PHC1: variants seen among roughly 807,000 people sequenced by gnomAD.
The protein encoded by PHC1 is polyhomeotic homolog 1.
Under a neutral mutation model 104.3 loss-of-function variants are expected in PHC1, and 12 were observed. The ratio of observed to expected loss-of-function variants is 0.12; its 90% CI spans 0.07 to 0.19. The LOEUF (loss-of-function observed/expected upper bound fraction) is 0.19, where lower values mean the gene tolerates loss of function less well. PHC1 is among the 10% of genes least tolerant of loss of function. PHC1 has a pLI of 1.00. For missense variants in PHC1, 671 were observed against 1,200.0 expected, an observed-to-expected ratio of 0.56 and a Z score of 6.51; for synonymous variants, 302 against 455.8, an observed-to-expected ratio of 0.66 and a Z score of 4.30.
intron 14 of PHC1, among the ~76,000 whole-genome samples, chr12:8,938,480 C>G (rs746903394): frequency 2.3e-4 from 35 of 151,220 alleles, no homozygotes; most frequent in Non-Finnish European, 3.2e-4. Context: ...CAGGGATTCC[C>G]TATGTTGCCC....
At chr12:8,934,539 T>C in intron 10 of PHC1, 61 bp downstream of exon 10, 1 of 1,226,886 alleles carries the variant, frequency 8.2e-7, no homozygotes, top group East Asian at 2.3e-5. Flanking sequence ...TGTTGTCTTT[T>C]CAAACTCCAG....
At position 8,918,098 on chromosome 12, in the gene PHC1, C is replaced by T. The variant is rs74060229; in HGVS notation, c.114+307C>T. On this transcript the variant is annotated intron_variant, in intron 2 of 14. Coordinates refer to ENST00000544916, the MANE Select transcript of PHC1 (RefSeq NM_004426.3). ...ATCTTTGGCCATTCTTGTAAATCCC[C>T]TTGAGTAATAGAAGTATCATGGAAC... Among the ~76,000 whole-genome samples, 402 of 152,290 alleles carry T rather than the reference C, an allele frequency of 2.6e-3. 2 individuals are homozygous for T. The highest frequency in any genetic ancestry group is 8.5e-3 in the African/African-American group (353 of 41,554).
chr12:8,926,977 C>A (rs1945530778), intron 6 of PHC1, among the ~76,000 whole-genome samples: 2 of 152,098 alleles, frequency 1.3e-5, no homozygotes, highest in Admixed American at 1.3e-4. Flanking sequence ...ATATGGGGCC[C>A]TGAGGTAGGA....
At chr12:8,936,306 C>T (rs777874666) in intron 11 of PHC1, among the ~76,000 whole-genome samples, 49 of 152,220 alleles carry the variant, frequency 3.2e-4, no homozygotes, top group Non-Finnish European at 5.0e-4. Flanking sequence ...CGCTTGAGCC[C>T]GGGAGGTGGA....
intron 9 of PHC1, 66 bp downstream of exon 9, chr12:8,934,078 A>G (rs1380328053): frequency 3.8e-6 from 6 of 1,564,048 alleles, no homozygotes; most frequent in Non-Finnish European, 3.5e-6. Flanking sequence ...GAGTGAGCTA[A>G]AAGATAAAAC....
chr12:8,936,305 C>T (rs2137131671), intron 11 of PHC1, among the ~76,000 whole-genome samples: 1 of 152,246 alleles, frequency 6.6e-6, no homozygotes, highest in African/African-American at 2.4e-5. Flanking sequence ...TCGCTTGAGC[C>T]CGGGAGGTGG....
chr12:8,918,442 AT>A (rs1945261685), intron 2 of PHC1, among the ~76,000 whole-genome samples: 1 of 152,036 alleles, frequency 6.6e-6, no homozygotes, highest in South Asian at 2.1e-4. Context: ...TTAGGGCTGT[AT>A]TACCTTTACT....
chr12:8,921,988 A>G (rs1025048906), intron 5 of PHC1, among the ~76,000 whole-genome samples: 2 of 152,082 alleles, frequency 1.3e-5, no homozygotes, highest in East Asian at 3.9e-4. Flanking sequence ...TAATTTTTGT[A>G]TTTTTAGTAG....
intron 11 of PHC1, among the ~76,000 whole-genome samples, chr12:8,936,446 C>T (rs1297763484): frequency 6.6e-6 from 1 of 152,114 alleles, no homozygotes; most frequent in Non-Finnish European, 1.5e-5. Context: ...TCCAGTTCTC[C>T]TTATTCTAGA....
chr12:8,930,726 G>A lies in PHC1; in HGVS notation c.904G>A (p.Gly302Arg), dbSNP rs1371497232. 7.9e-7 allele frequency: 1 copy of A among 1,265,614 alleles called. No homozygotes were observed. Among genetic ancestry groups the A allele is most frequent in the Non-Finnish European group, 1.1e-6 (1 of 905,020 alleles). 78.4% of individuals were successfully genotyped at this position (1,265,614 alleles called of 1,614,324 possible). The change falls in exon 7 of 15, where the codon GGG becomes AGG. Residue 302 changes from glycine to arginine, a missense_variant. By Grantham distance (125) the Gly-to-Arg change is moderately radical. Transcript: ENST00000544916. ...GTTGCCTTCCTCAGGAATGGGTGGT[G>A]GGAGCTGTCCCAGAAAGGGTACAGG... is the stretch of plus-strand genomic sequence containing the variant. ...GQLPSSGMGG[G>R]SCPRKGTGVV...
chr12:8,935,320 C>A, intron 11 of PHC1, 82 bp downstream of exon 11: 1 of 675,878 alleles, frequency 1.5e-6, no homozygotes, highest in South Asian at 1.9e-5. Flanking sequence ...ATAGTAGTTA[C>A]CTATTTATTT....
chr12:8,915,052 C>G (rs1945160860), intron 1 of PHC1: 1 of 152,784 alleles, frequency 6.5e-6, no homozygotes, highest in African/African-American at 2.4e-5. Context: ...GTCACCCTAG[C>G]TGCCTCTGAC....
intron 11 of PHC1, 43 bp from the exon 12 acceptor site, chr12:8,936,813 G>A: frequency 1.6e-6 from 2 of 1,231,422 alleles, no homozygotes; most frequent in Non-Finnish European, 2.4e-6. Flanking sequence ...CTGAGGGGCA[G>A]CAGAAACCCA....
chr12:8,937,057 A>G lies in PHC1; in HGVS notation c.2477+93A>G, dbSNP rs759758876. ...AGGATCGTCTCATAGCTGATATTTT[A>G]TGTCTCCCTCCTTGCTTTTATTCCC... On this transcript the variant is annotated intron_variant, in intron 12 of 14. Transcript: ENST00000544916. The G allele has an allele frequency of 2.1e-5, 29 of 1,387,644 alleles. No individual in the cohort carries two copies. In the Admixed American group the frequency reaches 3.6e-4, roughly 17 times the overall value. The allele number at this position is 1,387,644 out of a possible 1,614,324, so 86.0% of individuals were successfully genotyped here.
chr12:8,926,383 G>A (rs141480553), intron 6 of PHC1, among the ~76,000 whole-genome samples: 2,988 of 152,250 alleles, frequency 0.02, 92 homozygotes, highest in African/African-American at 0.067. Flanking sequence ...TTGGGAGGCC[G>A]AGGCGGGCGG....
chr12:8,927,853 TTTTC>T (rs71045227), intron 6 of PHC1, among the ~76,000 whole-genome samples: 17,946 of 110,510 alleles, frequency 0.16, 2,547 homozygotes, highest in Non-Finnish European at 0.2. Flanking sequence ...ACTGTACTAG[TTTTC>T]TTTCTTTCTT....
chr12:8,919,195 G>T lies in PHC1; in HGVS notation c.115-561G>T, dbSNP rs1945287818. Among the ~76,000 whole-genome samples, 1 of 152,092 alleles carries T rather than the reference G, an allele frequency of 6.6e-6. No individual in the cohort carries two copies. Among genetic ancestry groups the T allele is most frequent in the Non-Finnish European group, 1.5e-5 (1 of 68,014 alleles). On this transcript the variant is annotated intron_variant, in intron 2 of 14. Transcript: ENST00000544916. This position sits in a 1 kb window ranked among gnomAD's most constrained non-coding sequence, Gnocchi z 4.9. ...CTACCTCAGCCTCCCTAGTAGTTGG[G>T]ATTACAGGCGCCCACCACCACGCCC...
chr12:8,927,862 T>C (rs968085556), intron 6 of PHC1, among the ~76,000 whole-genome samples: 1 of 65,010 alleles, frequency 1.5e-5, no homozygotes, highest in South Asian at 5.7e-4. Flanking sequence ...GTTTTCTTTC[T>C]TTCTTTCTTT....
In PHC1 at chr12:8,919,643, TCTC is replaced by T; in HGVS notation, c.115-109_115-107del. ...GTTGACGATTTAGCCCAAACTCCCA[TCTC>T]CTCTGGTTTCTGTCCTTCCCATGGC... is the stretch of plus-strand genomic sequence containing the variant. On this transcript the variant is annotated intron_variant, in intron 2 of 14. Transcript: ENST00000544916. This position sits in a 1 kb window ranked among gnomAD's most constrained non-coding sequence, Gnocchi z 4.9. The T allele has an allele frequency of 4.7e-6, 5 of 1,071,608 alleles. No individual in the cohort carries two copies. The highest frequency in any genetic ancestry group is 6.7e-6 in the Non-Finnish European group (5 of 742,278). The allele number at this position is 1,071,608 out of a possible 1,614,324, so 66.4% of individuals were successfully genotyped here.
Sources: allele counts gnomAD v4.1 joint callset (sites outside exome capture counted in the v4.1 genomes callset), GRCh38; gene constraint gnomAD v4.1.1; non-coding constraint Gnocchi (gnomAD v3.1); transcripts MANE v1.5; gene names NCBI Gene and HGNC (gene_info 2026-07-23, HGNC 2026-07-21).